The following TRPM3 variants were observed in gnomAD, a reference collection of about 807,000 sequenced individuals.
The protein encoded by TRPM3 is long transient receptor potential channel 3.
A neutral mutation model predicts 181.2 loss-of-function variants in TRPM3; 77 were observed. That is an observed-to-expected ratio of 0.42 (90% confidence interval 0.35 to 0.51). TRPM3 has a LOEUF of 0.51. TRPM3 is among the 20% of genes least tolerant of loss of function. The pLI, the probability that TRPM3 is intolerant of heterozygous loss-of-function variation, is 0.01. For missense variants in TRPM3, 1,759 were observed against 2,196.7 expected (o/e 0.80, Z 3.98); for synonymous variants, 745 against 796.4 (o/e 0.94, Z 1.09).
intron 8 of TRPM3, among the ~76,000 whole-genome samples, chr9:70,683,379 C>T (rs1447729487): frequency 1.3e-5 from 2 of 150,742 alleles, no homozygotes; most frequent in Non-Finnish European, 3.0e-5. Context: ...GCCACCATGC[C>T]CAGCTTCCTT....
At chr9:71,041,515 T>C (rs2058817596) in intron 1 of TRPM3, among the ~76,000 whole-genome samples, 2 of 152,116 alleles carry the variant, frequency 1.3e-5, no homozygotes, top group South Asian at 4.1e-4. Flanking sequence ...TATGCATAAG[T>C]ATGTTTTTCT....
intron 1 of TRPM3, among the ~76,000 whole-genome samples, chr9:71,083,721 C>T (rs976109206): frequency 1.3e-4 from 18 of 139,026 alleles, no homozygotes; most frequent in African/African-American, 4.5e-4. Flanking sequence ...TGTACACACA[C>T]ACACACACAC....
At chr9:71,446,590 G>C (rs1016760704) in intron 1 of TRPM3, 2 of 1,501,078 alleles carry the variant, frequency 1.3e-6, no homozygotes, top group Admixed American at 2.0e-5. Context: ...CATGGAAAGG[G>C]CTCAAGTCGC....
intron 9 of TRPM3, among the ~76,000 whole-genome samples, chr9:70,652,011 G>A (rs1180665868): frequency 6.6e-6 from 1 of 152,128 alleles, no homozygotes. Context: ...AAATCCTGAA[G>A]GCCTACTGTT....
chr9:71,128,506 C>G (rs1019871101), intron 1 of TRPM3, among the ~76,000 whole-genome samples: 1 of 152,266 alleles, frequency 6.6e-6, no homozygotes, highest in African/African-American at 2.4e-5. Flanking sequence ...CATTTCTGAT[C>G]ACTTAATATT....
chr9:70,614,306 G>A (rs1374203672), intron 18 of TRPM3, among the ~76,000 whole-genome samples: 1 of 125,466 alleles, frequency 8.0e-6, no homozygotes, highest in Non-Finnish European at 1.7e-5. Context: ...ATTAGCCTGG[G>A]CAATCTCTTA....
At position 70,876,649 on chromosome 9, in the gene TRPM3, T is replaced by C. The variant is rs540826451; in HGVS notation, c.178-12138A>G. On this transcript the variant is annotated intron_variant, in intron 1 of 25. Coordinates refer to ENST00000677713, the MANE Select transcript of TRPM3 (RefSeq NM_001366145.2). ...TCCTCCTCTCTGTTTTCCCACCATC[T>C]CACCCTTACACTCATGTAGAGTTCT... Among the ~76,000 whole-genome samples the C allele has an allele frequency of 1.2e-4, 19 of 152,002 alleles. No homozygotes were observed. In the South Asian group the frequency reaches 3.9e-3, roughly 32 times the overall value.
Position 70,815,910 on chromosome 9 carries a change from G to C in TRPM3, c.973+11937C>G, listed in dbSNP as rs370795219. Among the ~76,000 whole-genome samples, 3 of 152,170 alleles carry C rather than the reference G, an allele frequency of 2.0e-5. No homozygotes were observed. In the East Asian group the frequency reaches 5.8e-4, roughly 29 times the overall value. The stretch of plus-strand genomic sequence containing the variant: ...GGAGGAAAAAGATGTTAAGCCAGAA[G>C]CTGAGCCAAGAAATTGTTTTACAAG... On this transcript the variant is annotated intron_variant, in intron 6 of 25. Transcript: ENST00000677713.
At chr9:70,924,038 T>A (rs1163677365) in intron 1 of TRPM3, among the ~76,000 whole-genome samples, 1 of 151,882 alleles carries the variant, frequency 6.6e-6, no homozygotes, top group Non-Finnish European at 1.5e-5. Flanking sequence ...CTTTAGAACA[T>A]TGGTTCTCAA....
At chr9:71,207,482 C>A (rs986254660) in intron 1 of TRPM3, among the ~76,000 whole-genome samples, 2 of 152,064 alleles carry the variant, frequency 1.3e-5, no homozygotes, top group Admixed American at 6.5e-5. Context: ...ATCTTGAGAT[C>A]TTTGATAGTG....
intron 1 of TRPM3, among the ~76,000 whole-genome samples, chr9:71,024,194 A>C (rs576228093): frequency 6.6e-6 from 1 of 152,338 alleles, no homozygotes; most frequent in African/African-American, 2.4e-5. Flanking sequence ...CATATAAATA[A>C]AAACACAAAA....
intron 9 of TRPM3, among the ~76,000 whole-genome samples, chr9:70,646,970 C>T (rs2058967514): frequency 1.3e-5 from 2 of 150,452 alleles, no homozygotes; most frequent in Admixed American, 1.3e-4. Context: ...TTGTAACATA[C>T]AACCTCCCAA....
intron 1 of TRPM3, among the ~76,000 whole-genome samples, chr9:71,292,505 G>C (rs1386598394): frequency 6.6e-6 from 1 of 151,790 alleles, no homozygotes; most frequent in Non-Finnish European, 1.5e-5. Flanking sequence ...AATAAACTAT[G>C]AAAATATGGT....
Position 70,645,873 on chromosome 9 carries a change from A to G in TRPM3, c.1346-5213T>C, listed in dbSNP as rs147435780. ...TATCCAGAATCTATAAGGAACTTAAACAAATTTACAAGAAAAAAACAACCT... is the reference window on the plus strand; with the variant it reads ...TATCCAGAATCTATAAGGAACTTAAGCAAATTTACAAGAAAAAAACAACCT... On this transcript the variant is annotated intron_variant, in intron 9 of 25. Coordinates refer to ENST00000677713, the MANE Select transcript of TRPM3 (RefSeq NM_001366145.2). Among the ~76,000 whole-genome samples, 1,021 of 152,350 alleles carry G rather than the reference A, an allele frequency of 6.7e-3. 13 individuals are homozygous for G. The highest frequency in any genetic ancestry group is 0.023 in the African/African-American group (938 of 41,586).
chr9:70,593,952 G>A (rs1231950683), intron 21 of TRPM3, among the ~76,000 whole-genome samples: 1 of 146,488 alleles, frequency 6.8e-6, no homozygotes, highest in Non-Finnish European at 1.5e-5. Context: ...TATATAATGT[G>A]TATATAATAT....
chr9:71,214,196 A>C (rs2079698185), intron 1 of TRPM3, among the ~76,000 whole-genome samples: 1 of 152,164 alleles, frequency 6.6e-6, no homozygotes, highest in African/African-American at 2.4e-5. Context: ...GTATCCCCAG[A>C]ATGAGAAGAC....
chr9:70,610,941 G>GA (rs766926769), intron 18 of TRPM3, among the ~76,000 whole-genome samples, 192 bp from the exon 19 acceptor site: 11 of 151,584 alleles, frequency 7.3e-5, no homozygotes, highest in Non-Finnish European at 1.3e-4. Flanking sequence ...CTTTGCCTGA[G>GA]ATGGAAGGCC....
At chr9:71,431,331 T>C (rs979251503) in intron 1 of TRPM3, among the ~76,000 whole-genome samples, 1 of 152,208 alleles carries the variant, frequency 6.6e-6, no homozygotes, top group African/African-American at 2.4e-5. Context: ...AAGTAAATGT[T>C]TCAGCACATT....
In TRPM3 at chr9:71,227,499, G is replaced by A. The variant is rs574904926; in HGVS notation, c.183+219154C>T. 3.1e-4 allele frequency among the ~76,000 whole-genome samples: 47 copies of A among 151,892 alleles called. 1 individual carries two copies. The highest frequency in any genetic ancestry group is 2.7e-3 in the South Asian group (13 of 4,828). ...AGAAGAAAGAAATAACATAAGGGCC[G>A]AAATAAATGACATTGAAATGAATAA... On this transcript the variant is annotated intron_variant, in intron 1 of 24. Coordinates refer to the TRPM3 transcript ENST00000357533.
Sources: allele counts gnomAD v4.1 joint callset (sites outside exome capture counted in the v4.1 genomes callset), GRCh38; gene constraint gnomAD v4.1.1; transcripts MANE v1.5; gene names NCBI Gene and HGNC (gene_info 2026-07-23, HGNC 2026-07-21).